NRBP1: variants seen among roughly 807,000 people sequenced by gnomAD.
NRBP1 encodes nuclear receptor binding protein 1, also known as nuclear receptor-binding protein.
Under a neutral mutation model 76.0 loss-of-function variants are expected in NRBP1, and 10 were observed. The ratio of observed to expected loss-of-function variants is 0.13; its 90% CI spans 0.08 to 0.22. The LOEUF is 0.22. Ranked by LOEUF, NRBP1 falls within the 10% of genes least tolerant of loss-of-function variation. NRBP1 has a pLI of 1.00. For synonymous variants in NRBP1, 235 were observed against 240.2 expected, an observed-to-expected ratio of 0.98 and a Z score of 0.20; for missense variants, 344 against 646.0, an observed-to-expected ratio of 0.53 and a Z score of 5.07.
rs781151669 is a variant in NRBP1 at position 27,442,080 on chromosome 2, C to T, written c.*268C>T. On this transcript the variant is annotated 3_prime_UTR_variant, in exon 18 of 18. Coordinates refer to ENST00000379852, the MANE Select transcript of NRBP1 (RefSeq NM_013392.4). The stretch of plus-strand genomic sequence containing the variant: ...TTCTAGTTGGGGGCTAGTCGCTGAT[C>T]TGCCGGCTCCCGCCCAGCCTGTGTG... 2 of 534,604 alleles carry T rather than the reference C, an allele frequency of 3.7e-6. No homozygotes were observed. Among genetic ancestry groups the T allele is most frequent in the Non-Finnish European group, 6.5e-6 (2 of 305,988 alleles). 33.1% of individuals were successfully genotyped at this position (534,604 alleles called of 1,614,324 possible).
intron 17 of NRBP1, 25 bp downstream of exon 17, chr2:27,441,647 C>T: frequency 6.2e-7 from 1 of 1,613,836 alleles, no homozygotes; most frequent in Non-Finnish European, 8.5e-7. Flanking sequence ...TTCATCTGCC[C>T]TGGCTGCCCC....
chr2:27,437,772 C>G (rs1664367657), intron 10 of NRBP1, among the ~76,000 whole-genome samples: 1 of 151,820 alleles, frequency 6.6e-6, no homozygotes, highest in Non-Finnish European at 1.5e-5. Flanking sequence ...ACTCAGGAGG[C>G]TGAGGCAGGA....
intron 16 of NRBP1, 53 bp from the exon 17 acceptor site, chr2:27,441,514 C>T: frequency 6.3e-7 from 1 of 1,589,378 alleles, no homozygotes; most frequent in Non-Finnish European, 8.6e-7. Flanking sequence ...GTCTGAAGGG[C>T]CCCAGGTCCC....
At chr2:27,431,429 CT>C (rs902504903) in intron 1 of NRBP1, among the ~76,000 whole-genome samples, 1 of 152,182 alleles carries the variant, frequency 6.6e-6, no homozygotes, top group African/African-American at 2.4e-5. Flanking sequence ...GAATTTGTGG[CT>C]GCTTGAATGT....
chr2:27,428,514 A>T (rs909468340), upstream of NRBP1: 1 of 394,910 alleles, frequency 2.5e-6, no homozygotes, highest in Non-Finnish European at 4.5e-6. Context: ...AGCCCACCCC[A>T]GCGAACGCCC....
intron 1 of NRBP1, among the ~76,000 whole-genome samples, chr2:27,430,652 G>T (rs1294384305): frequency 6.6e-6 from 1 of 151,682 alleles, no homozygotes; most frequent in African/African-American, 2.4e-5. Flanking sequence ...GTATATTTTT[G>T]TATTTTTTTG....
intron 1 of NRBP1, among the ~76,000 whole-genome samples, chr2:27,430,829 G>A (rs1037643663): frequency 6.6e-6 from 1 of 152,018 alleles, no homozygotes; most frequent in Non-Finnish European, 1.5e-5. Context: ...CTCCTTCACA[G>A]TCTTTATTCT....
chr2:27,431,265 A>C (rs1664106239), intron 1 of NRBP1, among the ~76,000 whole-genome samples: 1 of 152,158 alleles, frequency 6.6e-6, no homozygotes, highest in African/African-American at 2.4e-5. Context: ...GCACCACGGC[A>C]CTCCAGCCTG....
chr2:27,441,319 A>T lies in NRBP1; in HGVS notation c.1436A>T (p.Asp479Val). The T allele has an allele frequency of 6.2e-7, 1 of 1,613,828 alleles. No homozygotes were observed. Among genetic ancestry groups the T allele is most frequent in the Non-Finnish European group, 8.5e-7 (1 of 1,179,852 alleles). Residue 479 changes from aspartate (D) to valine (V), a missense_variant, in exon 16 of 18, where the codon GAC becomes GTC. By Grantham distance (152) the Asp-to-Val change is radical (BLOSUM62 -3). Around this residue, in one of 3 missense-constraint regions of NRBP1, gnomAD observed 218 missense variants for 309.8 expected, o/e 0.70. Coordinates refer to ENST00000379852, the MANE Select transcript of NRBP1 (RefSeq NM_013392.4). ...AAACTGAACCGGCACCTGAGCTGTG[A>T]CCTGATGCCAAGTGAGTCTCTCCTT... Reference protein sequence around the residue: ...EDKLNRHLSCDLMPNENIPEL... With the variant: ...EDKLNRHLSCVLMPNENIPEL...
intron 10 of NRBP1, among the ~76,000 whole-genome samples, chr2:27,439,076 G>T (rs1025135986): frequency 2.6e-5 from 4 of 152,148 alleles, no homozygotes; most frequent in Non-Finnish European, 5.9e-5. Context: ...ATAAAAAAAT[G>T]GTGAATATTG....
At chr2:27,432,331 T>C (rs897602550) in intron 1 of NRBP1, among the ~76,000 whole-genome samples, 1 of 152,228 alleles carries the variant, frequency 6.6e-6, no homozygotes, top group African/African-American at 2.4e-5. Flanking sequence ...GGGAGGGTCA[T>C]CTTCAACTAA....
intron 4 of NRBP1, 111 bp downstream of exon 4, chr2:27,434,201 TGG>T: frequency 1.1e-6 from 1 of 904,870 alleles, no homozygotes; most frequent in African/African-American, 1.7e-5. Flanking sequence ...GAAACAGAAC[TGG>T]AATCAGCTGC....
chr2:27,432,667 C>T (rs930454082), intron 1 of NRBP1, among the ~76,000 whole-genome samples: 3 of 152,138 alleles, frequency 2.0e-5, no homozygotes, highest in East Asian at 1.9e-4. Flanking sequence ...CCTCAAACTC[C>T]TGGGCAATCA....
intron 5 of NRBP1, 23 bp from the exon 6 acceptor site, chr2:27,434,699 C>T (rs753756629): frequency 5.0e-6 from 8 of 1,614,034 alleles, no homozygotes; most frequent in Non-Finnish European, 6.8e-6. Context: ...TACTGCTGAC[C>T]CTTGGATCCA....
At chr2:27,435,782 T>A (rs1664283809) in intron 7 of NRBP1, 1 of 717,470 alleles carries the variant, frequency 1.4e-6, no homozygotes, top group African/African-American at 1.7e-5. Context: ...GGGCTCTGTT[T>A]GTGCTCCCTC....
At chr2:27,430,882 T>G (rs1366260971) in intron 1 of NRBP1, among the ~76,000 whole-genome samples, 1 of 152,246 alleles carries the variant, frequency 6.6e-6, no homozygotes, top group Non-Finnish European at 1.5e-5. Flanking sequence ...TGTGACTTTT[T>G]GTACAAGTTA....
At chr2:27,431,209 A>C (rs1227215598) in intron 1 of NRBP1, among the ~76,000 whole-genome samples, 1 of 152,196 alleles carries the variant, frequency 6.6e-6, no homozygotes, top group Non-Finnish European at 1.5e-5. Context: ...CTGAGGCAGG[A>C]GAATCGCTTG....
intron 4 of NRBP1, 43 bp downstream of exon 4, chr2:27,434,133 G>T (rs1245800728): frequency 7.2e-7 from 1 of 1,380,524 alleles, no homozygotes; most frequent in East Asian, 2.3e-5. Flanking sequence ...ATTGCAAAGA[G>T]ACTAGCTACA....
chr2:27,441,511 G>A (rs1664559588), intron 16 of NRBP1, 56 bp from the exon 17 acceptor site: 4 of 1,586,400 alleles, frequency 2.5e-6, no homozygotes, highest in Middle Eastern at 1.7e-4. Context: ...GCTGTCTGAA[G>A]GGCCCCAGGT....
Sources: allele counts gnomAD v4.1 joint callset (sites outside exome capture counted in the v4.1 genomes callset), GRCh38; gene constraint gnomAD v4.1.1; regional missense constraint gnomAD v4.1.1; transcripts MANE v1.5; gene names NCBI Gene and HGNC (gene_info 2026-07-23, HGNC 2026-07-21).